NFIA: variants seen among roughly 807,000 people sequenced by gnomAD.
NFIA encodes the protein nuclear factor I A.
Under a neutral mutation model 62.8 loss-of-function variants are expected in NFIA, and 8 were observed. The ratio of observed to expected loss-of-function variants is 0.13; its 90% CI spans 0.07 to 0.23. NFIA has a LOEUF of 0.23. Among genes scored for constraint, NFIA ranks in the 10% least tolerant of loss-of-function variants. The pLI is 1.00. For missense variants in NFIA, 410 were observed against 642.1 expected, an observed-to-expected ratio of 0.64 and a Z score of 3.91; for synonymous variants, 235 against 238.1, an observed-to-expected ratio of 0.99 and a Z score of 0.12.
At chr1:61,388,170 G>A (rs1664796625) in intron 7 of NFIA, among the ~76,000 whole-genome samples, 1 of 152,128 alleles carries the variant, frequency 6.6e-6, no homozygotes, top group African/African-American at 2.4e-5. Context: ...AGGTAAAGAG[G>A]TTATTTGGGA....
chr1:61,126,784 T>C (rs1199838750), intron 2 of NFIA, among the ~76,000 whole-genome samples: 140 of 137,554 alleles, frequency 1.0e-3, no homozygotes, highest in Middle Eastern at 4.1e-3. Flanking sequence ...TTCCTTTTTT[T>C]TTTTTTTTTT....
chr1:61,223,791 T>G (rs2100620790), intron 2 of NFIA, among the ~76,000 whole-genome samples: 1 of 152,274 alleles, frequency 6.6e-6, no homozygotes, highest in East Asian at 1.9e-4. Flanking sequence ...GACCAAAATC[T>G]AGATCATTAG....
At chr1:61,101,504 T>C (rs1293104125) in intron 2 of NFIA, among the ~76,000 whole-genome samples, 1 of 151,948 alleles carries the variant, frequency 6.6e-6, no homozygotes, top group Admixed American at 6.6e-5. Context: ...CTTCTAGTAA[T>C]GCTGAAATAT....
intron 2 of NFIA, among the ~76,000 whole-genome samples, chr1:61,226,487 A>G (rs369290084): frequency 2.6e-5 from 4 of 152,116 alleles, no homozygotes; most frequent in African/African-American, 9.7e-5. Context: ...CCTAAACTTC[A>G]CATTAACCCT....
chr1:61,416,180 T>C lies in NFIA; in HGVS notation c.1420+9453T>C, dbSNP rs141903176. ...GGGCAAGGTTGTTGGCAGACAACTT[T>C]TTGGTGCCTTATCCAGTGAGAAAGA... On this transcript the variant is annotated intron_variant, in intron 9 of 10. Transcript: ENST00000403491. 6.2e-3 allele frequency among the ~76,000 whole-genome samples: 937 copies of C among 152,288 alleles called. 9 individuals are homozygous for C. The highest frequency in any genetic ancestry group is 0.017 in the Middle Eastern group (5 of 294).
At chr1:61,432,485 G>T (rs1040473695) in intron 10 of NFIA, among the ~76,000 whole-genome samples, 5 of 151,824 alleles carry the variant, frequency 3.3e-5, no homozygotes, top group African/African-American at 9.7e-5. Context: ...CCTGACAGGA[G>T]CTGCCTGAGT....
chr1:61,188,765 TTTACTC>T (rs751166728), intron 2 of NFIA, among the ~76,000 whole-genome samples: 56 of 152,214 alleles, frequency 3.7e-4, no homozygotes, highest in Admixed American at 2.4e-3. Context: ...TAGTCATTCT[TTTACTC>T]TTAACTGTTG....
upstream of NFIA, among the ~76,000 whole-genome samples, chr1:61,079,055 G>C (rs1038005520): frequency 6.6e-6 from 1 of 152,192 alleles, no homozygotes; most frequent in African/African-American, 2.4e-5. Flanking sequence ...TATTTCCCAA[G>C]GCTTTAGGCC....
rs910868048 is a variant in NFIA, at chr1:61,462,551, A to G, written c.*7231A>G. 1 of 152,190 alleles carries G rather than the reference A, an allele frequency of 6.6e-6. No individual in the cohort carries two copies. Among genetic ancestry groups the G allele is most frequent in the African/African-American group, 2.4e-5 (1 of 41,442 alleles). The allele number at this position is 152,190 out of a possible 1,614,324, so 9.4% of individuals were successfully genotyped here. A position where few individuals can be genotyped will look rare whatever the true frequency, so the allele number is the denominator to read the frequency against. On this transcript the variant is annotated 3_prime_UTR_variant, in exon 11 of 11. Coordinates refer to ENST00000403491, the MANE Select transcript of NFIA (RefSeq NM_001134673.4). Reference sequence around the variant, plus strand: ...CTAGTATACTTGTATTGACTCTCATAGTTACCCTTTTAGTTTTACTGTGTT... The same window carrying G: ...CTAGTATACTTGTATTGACTCTCATGGTTACCCTTTTAGTTTTACTGTGTT...
intron 2 of NFIA, among the ~76,000 whole-genome samples, chr1:61,099,573 TG>T (rs1646474696): frequency 5.9e-5 from 9 of 152,236 alleles, no homozygotes; most frequent in Admixed American, 5.9e-4. Flanking sequence ...AAAAATTTTT[TG>T]GTCCTTTTTA....
intron 10 of NFIA, among the ~76,000 whole-genome samples, chr1:61,430,109 C>T (rs755223888): frequency 3.9e-5 from 6 of 152,114 alleles, no homozygotes; most frequent in Non-Finnish European, 5.9e-5. Context: ...ATTTTTAAAA[C>T]GTGATCATTA....
intron 3 of NFIA, among the ~76,000 whole-genome samples, chr1:61,298,637 A>C (rs1353748771): frequency 6.6e-6 from 1 of 152,128 alleles, no homozygotes; most frequent in Non-Finnish European, 1.5e-5. Flanking sequence ...TGGATAAATA[A>C]CTGTTTCTCT....
chr1:61,111,968 T>C (rs1345266027), intron 2 of NFIA, among the ~76,000 whole-genome samples: 1 of 152,166 alleles, frequency 6.6e-6, no homozygotes, highest in Non-Finnish European at 1.5e-5. Context: ...ATACCAGTTG[T>C]GTAGATTCCC....
intron 9 of NFIA, among the ~76,000 whole-genome samples, chr1:61,409,233 A>G (rs1190276652): frequency 2.0e-5 from 3 of 152,226 alleles, no homozygotes; most frequent in East Asian, 3.8e-4. Context: ...TACTTTTTGA[A>G]TCATGGGATT....
intron 2 of NFIA, among the ~76,000 whole-genome samples, chr1:61,229,695 A>T (rs765655582): frequency 2.6e-5 from 4 of 152,182 alleles, no homozygotes; most frequent in Non-Finnish European, 5.9e-5. Context: ...TTGCCTTTTC[A>T]TTCAAATTTT....
At chr1:61,408,000 G>A (rs768439820) in intron 9 of NFIA, among the ~76,000 whole-genome samples, 1 of 152,146 alleles carries the variant, frequency 6.6e-6, no homozygotes, top group East Asian at 1.9e-4. Flanking sequence ...TTTATGCCAT[G>A]TTCATAGAAT....
chr1:61,170,427 G>C (rs886256736), intron 2 of NFIA, among the ~76,000 whole-genome samples: 1 of 152,114 alleles, frequency 6.6e-6, no homozygotes, highest in African/African-American at 2.4e-5. Flanking sequence ...GCAAATTATG[G>C]ACAAGACCTA....
At chr1:61,450,928 A>T (rs916764759) in intron 10 of NFIA, among the ~76,000 whole-genome samples, 1 of 152,194 alleles carries the variant, frequency 6.6e-6, no homozygotes, top group Admixed American at 6.5e-5. Flanking sequence ...TAAAAAGAGG[A>T]TGTAAAAAGC....
At chr1:61,264,653 CAAAAAAAA>C (rs1165980251) in intron 2 of NFIA, among the ~76,000 whole-genome samples, 673 of 60,714 alleles carry the variant, frequency 0.011, 8 homozygotes, top group African/African-American at 0.031. Context: ...CTCCACCTTA[CAAAAAAAA>C]AAAAAAAAAA....
Sources: gnomAD v4.1 joint callset for allele counts (sites outside exome capture counted in the v4.1 genomes callset) on GRCh38, gnomAD v4.1.1 for gene constraint, MANE v1.5 for transcripts, NCBI Gene and HGNC (gene_info 2026-07-23, HGNC 2026-07-21) for gene names.